ABCD3: variants seen among roughly 807,000 people sequenced by gnomAD.
ABCD3 encodes the protein ATP binding cassette subfamily D member 3.
In ABCD3, 41 loss-of-function variants were observed where a neutral mutation model predicts 105.5. That is an observed-to-expected ratio of 0.39 (90% CI 0.30 to 0.50). The LOEUF is 0.50. ABCD3 is among the 20% of genes least tolerant of loss of function. The pLI is 0.84. For missense variants in ABCD3, 622 were observed against 806.3 expected (o/e 0.77, Z 2.77); for synonymous variants, 258 against 269.0 (o/e 0.96, Z 0.40).
At chr1:94,423,424 A>T (rs1412098682) in intron 1 of ABCD3, among the ~76,000 whole-genome samples, 3 of 152,170 alleles carry the variant, frequency 2.0e-5, no homozygotes, top group African/African-American at 4.8e-5. Context: ...TCCTCTCCTA[A>T]ATATTTCTCA....
rs566123356 is a variant in ABCD3 at position 94,517,228 on chromosome 1, T to G, written c.*99T>G. On this transcript the variant is annotated 3_prime_UTR_variant, in exon 23 of 23. Transcript: ENST00000370214. ...AAATAAAGTTGAGCTTAGTTTTTTT[T>G]AAAAAAAAAAACAAAGCAACAAATT... 2 of 781,676 alleles carry G rather than the reference T, an allele frequency of 2.6e-6. No individual in the cohort carries two copies. Among genetic ancestry groups the G allele is most frequent in the Non-Finnish European group, 4.1e-6 (2 of 484,934 alleles). 48.4% of individuals were successfully genotyped at this position (781,676 alleles called of 1,614,324 possible). A position where few individuals can be genotyped will look rare whatever the true frequency, so the allele number is the denominator to read the frequency against.
intron 20 of ABCD3, among the ~76,000 whole-genome samples, chr1:94,505,964 G>T (rs1284350961): frequency 6.6e-6 from 1 of 152,122 alleles, no homozygotes; most frequent in Non-Finnish European, 1.5e-5. Context: ...ATAAATGTAG[G>T]AAAATGTTCA....
chr1:94,458,206 A>G (rs1034722594), intron 1 of ABCD3, among the ~76,000 whole-genome samples: 3 of 152,216 alleles, frequency 2.0e-5, no homozygotes, highest in African/African-American at 7.2e-5. Flanking sequence ...GATTCCCAGC[A>G]GTAAGAGGGA....
chr1:94,518,542 G>A lies in ABCD3; in HGVS notation c.*1413G>A, dbSNP rs1408201140. The A allele has an allele frequency of 1.4e-5, 2 of 147,464 alleles. No individual in the cohort carries two copies. Among genetic ancestry groups the A allele is most frequent in the African/African-American group, 5.0e-5 (2 of 39,988 alleles). The allele number at this position is 147,464 out of a possible 1,614,324, so 9.1% of individuals were successfully genotyped here. On this transcript the variant is annotated 3_prime_UTR_variant, in exon 23 of 23. Transcript: ENST00000370214. ...CAGATATCCTATACAACCTTTGCTT[G>A]TTCTTTTTATTCTGGTATCTAAATA... is the stretch of plus-strand genomic sequence containing the variant.
chr1:94,487,141 G>C (rs1649314384), intron 10 of ABCD3, among the ~76,000 whole-genome samples: 1 of 152,150 alleles, frequency 6.6e-6, no homozygotes, highest in Non-Finnish European at 1.5e-5. Flanking sequence ...AAAGCATTCA[G>C]TGCCAATCCG....
At chr1:94,405,581 G>A in the ABCD3 span, among the ~76,000 whole-genome samples, 2 of 152,160 alleles carry the variant, frequency 1.3e-5, no homozygotes, top group African/African-American at 4.8e-5. Flanking sequence ...TGGGATTACA[G>A]GCATGAGACA....
At chr1:94,430,453 A>C (rs1659628304) in intron 1 of ABCD3, among the ~76,000 whole-genome samples, 1 of 152,166 alleles carries the variant, frequency 6.6e-6, no homozygotes, top group Non-Finnish European at 1.5e-5. Context: ...TAGGAGGGAC[A>C]GGTGGGAGGT....
chr1:94,400,653 C>T, the ABCD3 span, among the ~76,000 whole-genome samples: 1 of 152,166 alleles, frequency 6.6e-6, no homozygotes, highest in Non-Finnish European at 1.5e-5. Context: ...TTGTGCCTTC[C>T]AGCTGAAGGA....
In ABCD3 at chr1:94,493,758, C is replaced by T. The variant is rs896124351; in HGVS notation, c.1386+2511C>T. On this transcript the variant is annotated intron_variant, in intron 16 of 22. Coordinates refer to ENST00000370214, the MANE Select transcript of ABCD3 (RefSeq NM_002858.4). ...CACATATACACCATGGAATACTATG[C>T]AGCCATAAAAAAATGATGAGTTCAT... Among the ~76,000 whole-genome samples the T allele has an allele frequency of 1.1e-3, 173 of 152,254 alleles. 1 individual carries two copies. The highest frequency in any genetic ancestry group is 3.8e-3 in the African/African-American group (158 of 41,538).
chr1:94,485,193 G>A (rs937295528), intron 10 of ABCD3, among the ~76,000 whole-genome samples: 1 of 152,076 alleles, frequency 6.6e-6, no homozygotes, highest in African/African-American at 2.4e-5. Flanking sequence ...TTATTTAATT[G>A]CCACTTGGAA....
Position 94,517,051 on chromosome 1 carries a change from G to A in ABCD3, c.1903-1G>A. On this transcript the variant is annotated splice_acceptor_variant, in intron 22 of 22. Transcript: ENST00000370214. LOFTEE classifies it high-confidence loss of function. ...CTTTTTTTCCCCCTTCTTTCCCATA[G>A]TACTACCTGCATATGGATGGCAGAG... The A allele has an allele frequency of 1.2e-6, 2 of 1,605,872 alleles. No individual in the cohort carries two copies. Among genetic ancestry groups the A allele is most frequent in the Non-Finnish European group, 1.7e-6 (2 of 1,173,358 alleles).
upstream of ABCD3, among the ~76,000 whole-genome samples, chr1:94,417,427 G>A (rs1009478246): frequency 1.3e-5 from 2 of 152,168 alleles, no homozygotes; most frequent in Non-Finnish European, 2.9e-5. Context: ...AGTTTCCTCA[G>A]CTGAAAACAG....
chr1:94,498,727 T>G lies in ABCD3; in HGVS notation c.1464+48T>G, dbSNP rs1202196581. ...ATTTTGCAGTCTTATTTTGCCATAC[T>G]GTCTACCACTTTGTAAATTTTACAA... On this transcript the variant is annotated intron_variant, in intron 17 of 22. Coordinates refer to ENST00000370214, the MANE Select transcript of ABCD3 (RefSeq NM_002858.4). 6.8e-6 allele frequency: 11 copies of G among 1,613,106 alleles called. No homozygotes were observed. The East Asian group carries it at 2.5e-4, about 36-fold the overall frequency.
chr1:94,424,605 C>T (rs1291792365), intron 1 of ABCD3, among the ~76,000 whole-genome samples: 1 of 151,886 alleles, frequency 6.6e-6, no homozygotes, highest in Non-Finnish European at 1.5e-5. Context: ...TTTGTAGAGA[C>T]AAGGTCACGT....
Position 94,506,628 on chromosome 1 carries a change from A to G in ABCD3, c.1831A>G (p.Ser611Gly). The change falls in exon 21 of 23, where the codon AGT (serine) becomes GGT (glycine). Residue 611 changes from serine (S) to glycine (G), a missense_variant. This residue lies in a region of ABCD3 where 285 missense variants were observed against 352.5 expected (regional missense o/e 0.81). Coordinates refer to ENST00000370214, the MANE Select transcript of ABCD3 (RefSeq NM_002858.4). ...TGTCGACGTGGAAGGCTACATTTAT[A>G]GTCATTGTCGAAAGGTAAGTACGCA... ...VSVDVEGYIYSHCRKVGITLF... is the reference protein window; with the variant it reads ...VSVDVEGYIYGHCRKVGITLF... The G allele has an allele frequency of 6.2e-7, 1 of 1,612,354 alleles. No individual in the cohort carries two copies. The highest frequency in any genetic ancestry group is 8.5e-7 in the Non-Finnish European group (1 of 1,178,762).
At chr1:94,396,622 C>T in the ABCD3 span, among the ~76,000 whole-genome samples, 12 of 151,728 alleles carry the variant, frequency 7.9e-5, no homozygotes, top group Admixed American at 1.3e-4. Context: ...CGCGCGCGCA[C>T]GTGCGTGTGT....
chr1:94,462,186 G>T (rs1213431828), intron 2 of ABCD3, among the ~76,000 whole-genome samples: 1 of 152,042 alleles, frequency 6.6e-6, no homozygotes, highest in Non-Finnish European at 1.5e-5. Context: ...CACCACAGTG[G>T]TCTTTTTTTT....
At chr1:94,451,419 T>C (rs1302204939) in intron 1 of ABCD3, among the ~76,000 whole-genome samples, 3 of 152,218 alleles carry the variant, frequency 2.0e-5, no homozygotes, top group Non-Finnish European at 4.4e-5. Context: ...TTTGCTTCTT[T>C]ACCCAGGAGC....
the ABCD3 span, among the ~76,000 whole-genome samples, chr1:94,389,511 C>T: frequency 1.2e-4 from 19 of 152,364 alleles, 1 homozygote; most frequent in South Asian, 3.7e-3. Flanking sequence ...CCAGACCCCT[C>T]CCTTTGTTTC....
Sources: allele counts gnomAD v4.1 joint callset (sites outside exome capture counted in the v4.1 genomes callset), GRCh38; gene constraint gnomAD v4.1.1; regional missense constraint gnomAD v4.1.1; transcripts MANE v1.5; gene names NCBI Gene and HGNC (gene_info 2026-07-23, HGNC 2026-07-21).